The following SEMA3C variants were observed in gnomAD, a reference collection of about 807,000 sequenced individuals.
The protein encoded by SEMA3C is semaphorin-3C.
SEMA3C carries 47 observed loss-of-function variants against 89.4 expected under a neutral mutation model. The ratio of observed to expected loss-of-function variants is 0.53; its 90% confidence interval spans 0.42 to 0.67. The LOEUF (loss-of-function observed/expected upper bound fraction) is 0.67, where lower values mean the gene tolerates loss of function less well. Ranked by LOEUF, SEMA3C falls within the 30% of genes least tolerant of loss-of-function variation. The pLI, the probability that SEMA3C is intolerant of heterozygous loss-of-function variation, is 0.00. For missense variants in SEMA3C, 839 were observed against 929.1 expected (o/e 0.90, Z 1.26); for synonymous variants, 310 against 320.2 (o/e 0.97, Z 0.34).
chr7:80,902,159 C>T (rs1791896764), intron 2 of SEMA3C, among the ~76,000 whole-genome samples: 1 of 152,146 alleles, frequency 6.6e-6, no homozygotes, highest in African/African-American at 2.4e-5. Context: ...TACCATGTTA[C>T]CTAGGCTGGT....
intron 2 of SEMA3C, among the ~76,000 whole-genome samples, chr7:80,916,042 A>G (rs1172064690): frequency 5.9e-5 from 9 of 152,188 alleles, no homozygotes; most frequent in Non-Finnish European, 7.3e-5. Flanking sequence ...CCCTCAGAAG[A>G]CCTTGCACCT....
At chr7:80,815,736 C>G (rs190348084) in intron 5 of SEMA3C, among the ~76,000 whole-genome samples, 1,568 of 151,916 alleles carry the variant, frequency 0.01, 27 homozygotes, top group African/African-American at 0.036. Context: ...ATTCAAAAAG[C>G]ATAGGGGATA....
intron 2 of SEMA3C, among the ~76,000 whole-genome samples, chr7:80,854,512 T>C (rs1414074949): frequency 6.6e-6 from 1 of 152,204 alleles, no homozygotes; most frequent in African/African-American, 2.4e-5. Context: ...ACTGAACTTC[T>C]TAGTTGTTAG....
At chr7:80,854,100 T>C (rs1345192847) in intron 2 of SEMA3C, among the ~76,000 whole-genome samples, 1 of 152,174 alleles carries the variant, frequency 6.6e-6, no homozygotes, top group Non-Finnish European at 1.5e-5. Context: ...AGTATGTTTA[T>C]AAGTGAGACA....
chr7:80,916,823 TAA>T lies in SEMA3C; in HGVS notation c.-38-6_-38-5del. 3 of 1,608,934 alleles carry T rather than the reference TAA, an allele frequency of 1.9e-6. No homozygotes were observed. Among genetic ancestry groups the T allele is most frequent in the African/African-American group, 2.7e-5 (2 of 74,894 alleles). On this transcript the variant is annotated splice_region_variant and splice_polypyrimidine_tract_variant and intron_variant, in intron 1 of 17. Coordinates refer to ENST00000265361, the MANE Select transcript of SEMA3C (RefSeq NM_006379.5). ...GTTAATATCCAAGGGAAAATACCTT[TAA>T]GAGAGAGACAACATGTTTGTTATAT...
rs543529376 is a variant in SEMA3C, at chr7:80,799,853, TA to T, written c.986+903del. ...TGGGCAGCAGAGCGAGACCCAATCTTAAAAAAAAAAAAAAATGGCCGGGCGC... is the reference window on the plus strand; with the variant it reads ...TGGGCAGCAGAGCGAGACCCAATCTTAAAAAAAAAAAAAATGGCCGGGCGC... On this transcript the variant is annotated intron_variant, in intron 10 of 17. Transcript: ENST00000265361. Among the ~76,000 whole-genome samples the T allele has an allele frequency of 0.015, 1,300 of 85,948 alleles. 39 individuals are homozygous for T. The East Asian group carries it at 0.17, about 12-fold the overall frequency. 56.4% of individuals were successfully genotyped at this position (85,948 alleles called of 152,430 possible). A position where few individuals can be genotyped will look rare whatever the true frequency, so the allele number is the denominator to read the frequency against.
chr7:80,885,469 T>C (rs187873269), intron 2 of SEMA3C, among the ~76,000 whole-genome samples: 1 of 152,042 alleles, frequency 6.6e-6, no homozygotes, highest in Non-Finnish European at 1.5e-5. Flanking sequence ...ATGAAAAAAT[T>C]AGCCAGGCAT....
intron 2 of SEMA3C, among the ~76,000 whole-genome samples, chr7:80,905,044 A>G (rs557912480): frequency 6.1e-5 from 9 of 148,414 alleles, no homozygotes; most frequent in East Asian, 5.9e-4. Context: ...AAGCACAGAG[A>G]AAAAAAAAAG....
intron 15 of SEMA3C, among the ~76,000 whole-genome samples, chr7:80,754,637 T>C (rs1052450076): frequency 7.9e-5 from 12 of 152,252 alleles, no homozygotes; most frequent in Non-Finnish European, 1.5e-4. Context: ...ATACCGTAGA[T>C]ATTTTTAGTG....
chr7:80,751,151 A>G (rs1254887711), intron 16 of SEMA3C, 118 bp downstream of exon 16: 9 of 771,132 alleles, frequency 1.2e-5, no homozygotes, highest in Admixed American at 4.9e-5. Flanking sequence ...CAGAATTGTT[A>G]TAATAAATAT....
In SEMA3C at chr7:80,828,576, T is replaced by A. The variant is rs750208003; in HGVS notation, c.264+9A>T. The A allele has an allele frequency of 3.4e-5, 55 of 1,596,192 alleles. No individual in the cohort carries two copies. Among genetic ancestry groups the A allele is most frequent in the Non-Finnish European group, 4.7e-5 (55 of 1,170,138 alleles). ...GTGGACACTGTCCTCGTGAAAGTGA[T>A]AAACTTACACTCAAAGCTTCTTGAC... is the stretch of plus-strand genomic sequence containing the variant. On this transcript the variant is annotated intron_variant, in intron 3 of 17. Transcript: ENST00000265361.
At chr7:80,843,807 T>G (rs1447731874) in intron 2 of SEMA3C, among the ~76,000 whole-genome samples, 1 of 152,162 alleles carries the variant, frequency 6.6e-6, no homozygotes, top group African/African-American at 2.4e-5. Flanking sequence ...TATCTCAAGA[T>G]TCTAAGAAAA....
intron 2 of SEMA3C, among the ~76,000 whole-genome samples, chr7:80,845,694 C>T (rs1272423071): frequency 6.6e-6 from 1 of 152,122 alleles, no homozygotes; most frequent in Non-Finnish European, 1.5e-5. Flanking sequence ...TCTACTTGCT[C>T]TTCCTGTCTT....
intron 2 of SEMA3C, chr7:80,906,018 G>C: frequency 1.8e-6 from 1 of 553,088 alleles, no homozygotes; most frequent in Non-Finnish European, 2.9e-6. Flanking sequence ...GAGAGCAAAA[G>C]AAGGAGAGAC....
chr7:80,752,468 GGCATGGTGGTGCATGGTA>G (rs1362964744), intron 15 of SEMA3C, among the ~76,000 whole-genome samples: 1 of 151,842 alleles, frequency 6.6e-6, no homozygotes, highest in Non-Finnish European at 1.5e-5. Context: ...AAATTAGCTG[GGCATGGTGGTGCATGGTA>G]GCATGGTGGT....
chr7:80,901,898 G>T (rs1218832113), intron 2 of SEMA3C, among the ~76,000 whole-genome samples: 1 of 152,112 alleles, frequency 6.6e-6, no homozygotes, highest in Non-Finnish European at 1.5e-5. Flanking sequence ...CTAAAACAAA[G>T]AATGTTATAA....
chr7:80,764,937 A>C (rs1176381741), intron 13 of SEMA3C, among the ~76,000 whole-genome samples: 1 of 152,194 alleles, frequency 6.6e-6, no homozygotes, highest in Admixed American at 6.5e-5. Context: ...AACAGAAAGA[A>C]TCCTTTTATC....
intron 2 of SEMA3C, among the ~76,000 whole-genome samples, chr7:80,890,495 C>T (rs1368589671): frequency 4.6e-5 from 7 of 152,146 alleles, no homozygotes; most frequent in Admixed American, 3.3e-4. Context: ...ACAACCAAAT[C>T]TAAAGGCTCA....
rs1217301376 is a variant in SEMA3C, at chr7:80,840,543, A to AGT, written c.104-11799_104-11798insAC. ...GAAAAAAAAAAAAAAAAAAAAAAAA[A>AGT]GAGCGAGAGAGAGAGAGCGCGATGG... On this transcript the variant is annotated intron_variant, in intron 2 of 17. Transcript: ENST00000265361. 7.3e-5 allele frequency among the ~76,000 whole-genome samples: 10 copies of AGT among 136,272 alleles called. No individual in the cohort carries two copies. In the East Asian group the frequency reaches 2.1e-3, roughly 28 times the overall value. 89.4% of individuals were successfully genotyped at this position (136,272 alleles called of 152,430 possible).
Sources: gnomAD v4.1 joint callset for allele counts (sites outside exome capture counted in the v4.1 genomes callset) on GRCh38, gnomAD v4.1.1 for gene constraint, MANE v1.5 for transcripts, NCBI Gene and HGNC (gene_info 2026-07-23, HGNC 2026-07-21) for gene names.